The following IQCK variants were observed in gnomAD, a reference collection of about 807,000 sequenced individuals.
IQCK encodes the protein IQ domain-containing protein K.
In IQCK, 29 loss-of-function variants were observed where a neutral mutation model predicts 28.1. That is an observed-to-expected ratio of 1.03 (90% CI 0.77 to 1.41). The LOEUF is 1.41. Among genes scored for constraint, IQCK ranks in the 40% most tolerant of loss-of-function variants. IQCK has a pLI of 0.00. For synonymous variants in IQCK, 113 were observed against 115.1 expected (o/e 0.98, Z 0.12); for missense variants, 359 against 314.7 (o/e 1.14, Z -1.07).
intron 4 of IQCK, among the ~76,000 whole-genome samples, chr16:19,758,224 C>G (rs147266456): frequency 1.3e-5 from 2 of 152,268 alleles, no homozygotes; most frequent in East Asian, 3.9e-4. Flanking sequence ...TTTTCATTTG[C>G]TTTTCCTTCT....
intron 7 of IQCK, among the ~76,000 whole-genome samples, chr16:19,812,879 A>G (rs1415504711): frequency 6.6e-6 from 1 of 152,268 alleles, no homozygotes; most frequent in East Asian, 1.9e-4. Flanking sequence ...ACTTAAGTGC[A>G]TCCTCTAGAA....
intron 7 of IQCK, among the ~76,000 whole-genome samples, chr16:19,823,342 A>G (rs1303807601): frequency 6.6e-6 from 1 of 152,022 alleles, no homozygotes; most frequent in Non-Finnish European, 1.5e-5. Flanking sequence ...CACTCCCTTC[A>G]CCAGTTTCTC....
Position 19,735,454 on chromosome 16 carries a change from AGTT to A in IQCK, c.474+8_474+10del. On this transcript the variant is annotated splice_donor_5th_base_variant and intron_variant, in intron 4 of 7. Coordinates refer to ENST00000564186, the Ensembl canonical transcript of IQCK. The stretch of plus-strand genomic sequence containing the variant: ...GAAGAAAGAAAAATGTTTTGAGGTC[AGTT>A]GTTTGGCAGGATTTCTTTATTTTGA... The A allele has an allele frequency of 6.3e-7, 1 of 1,594,490 alleles. No homozygotes were observed.
chr16:19,816,928 GA>G (rs1280323122), intron 7 of IQCK, among the ~76,000 whole-genome samples: 1 of 152,284 alleles, frequency 6.6e-6, no homozygotes, highest in African/African-American at 2.4e-5. Flanking sequence ...TTACAGATGA[GA>G]AAATTGAGGC....
At chr16:19,786,701 G>A (rs1378277434) in intron 6 of IQCK, among the ~76,000 whole-genome samples, 5 of 141,432 alleles carry the variant, frequency 3.5e-5, no homozygotes, top group African/African-American at 1.2e-4. Flanking sequence ...TCATTGAAAG[G>A]AAGAAAGAAA....
At chr16:19,736,402 A>G (rs1349046861) in intron 4 of IQCK, among the ~76,000 whole-genome samples, 1 of 151,884 alleles carries the variant, frequency 6.6e-6, no homozygotes, top group East Asian at 1.9e-4. Context: ...AGCTGGGACT[A>G]CGGGTATGCA....
At chr16:19,856,447 A>G in intron 9 of IQCK, 40 bp from the exon 9 acceptor site, 1 of 1,562,500 alleles carries the variant, frequency 6.4e-7, no homozygotes, top group Non-Finnish European at 8.8e-7. Context: ...CTGTCTACGT[A>G]TGTAAATTGA....
At chr16:19,764,051 G>C (rs771553609) in exon 6 of IQCK, 1 of 1,614,042 alleles carries the variant, frequency 6.2e-7, no homozygotes, top group South Asian at 1.1e-5. Context: ...TCCAAAGAGG[G>C]CAGGGGAGCC....
chr16:19,839,227 C>G (rs920705703), intron 9 of IQCK, among the ~76,000 whole-genome samples: 3 of 151,234 alleles, frequency 2.0e-5, no homozygotes, highest in Middle Eastern at 3.2e-3. Flanking sequence ...ATGGCATGAT[C>G]TTGGCTCACT....
intron 6 of IQCK, among the ~76,000 whole-genome samples, chr16:19,782,911 CACAT>C (rs1402087829): frequency 6.6e-6 from 1 of 152,050 alleles, no homozygotes; most frequent in Non-Finnish European, 1.5e-5. Context: ...CACACATGTG[CACAT>C]ACATTTATAT....
chr16:19,758,023 T>C (rs2055076389), intron 4 of IQCK, among the ~76,000 whole-genome samples: 1 of 152,206 alleles, frequency 6.6e-6, no homozygotes, highest in Admixed American at 6.5e-5. Flanking sequence ...AAGAATATTT[T>C]TAAACCTTGT....
At position 19,718,803 on chromosome 16, in the gene IQCK, T is replaced by C. The variant is rs183615995; in HGVS notation, c.181+316T>C. ...CCTCGGTTAGTGAACCGAAAGGAAT[T>C]GCTGGGGCGGGGGCCGGGGTGGGGA... On this transcript the variant is annotated intron_variant, in intron 1 of 7. Transcript: ENST00000564186. Among the ~76,000 whole-genome samples the C allele has an allele frequency of 2.4e-3, 351 of 146,612 alleles. 1 individual carries two copies. The highest frequency in any genetic ancestry group is 8.2e-3 in the African/African-American group (330 of 40,424).
chr16:19,830,576 G>A (rs1265332252), downstream of IQCK, among the ~76,000 whole-genome samples: 2 of 152,210 alleles, frequency 1.3e-5, no homozygotes, highest in Non-Finnish European at 2.9e-5. Context: ...CGCTGAGACC[G>A]TGAAATGGCC....
Position 19,814,557 on chromosome 16 carries a change from A to C in IQCK, c.691-12469A>C, listed in dbSNP as rs536804695. On this transcript the variant is annotated intron_variant, in intron 7 of 7. Coordinates refer to ENST00000564186, the Ensembl canonical transcript of IQCK. ...AGACATAAATACAAACATATCACTAATCTCAATAAATGTAAATAGAATGAA... is the reference window on the plus strand; with the variant it reads ...AGACATAAATACAAACATATCACTACTCTCAATAAATGTAAATAGAATGAA... 3.3e-5 allele frequency among the ~76,000 whole-genome samples: 5 copies of C among 152,278 alleles called. No homozygotes were observed. In the East Asian group the frequency reaches 9.6e-4, roughly 29 times the overall value.
intron 7 of IQCK, among the ~76,000 whole-genome samples, chr16:19,814,836 G>A (rs899554326): frequency 2.0e-5 from 3 of 146,402 alleles, no homozygotes; most frequent in Non-Finnish European, 4.5e-5. Context: ...TGCCCAGGTC[G>A]GAGTGCCATG....
intron 6 of IQCK, chr16:19,764,367 C>G: frequency 3.2e-6 from 1 of 311,350 alleles, no homozygotes; most frequent in Non-Finnish European, 5.9e-6. Flanking sequence ...AGTAATTTAT[C>G]CCTCCATTCC....
Position 19,843,536 on chromosome 16 carries a change from G to T in IQCK, c.803-12951G>T, listed in dbSNP as rs149707036. On this transcript the variant is annotated intron_variant, in intron 9 of 9. Transcript: ENST00000320394. The stretch of plus-strand genomic sequence containing the variant: ...GCAAAGTTTATCCATGCTGTAGCAT[G>T]TGTCAGTACTTTACTCCTTTTTACA... Among the ~76,000 whole-genome samples, 62 of 152,326 alleles carry T rather than the reference G, an allele frequency of 4.1e-4. 1 individual carries two copies. In the South Asian group the frequency reaches 0.013, roughly 31 times the overall value.
intron 4 of IQCK, among the ~76,000 whole-genome samples, chr16:19,752,538 G>A (rs970110497): frequency 7.2e-5 from 11 of 152,104 alleles, no homozygotes; most frequent in African/African-American, 2.7e-4. Context: ...GTCCTAAGTA[G>A]AAAGGGATTG....
At chr16:19,744,467 G>A (rs1300680970) in intron 4 of IQCK, among the ~76,000 whole-genome samples, 7 of 152,090 alleles carry the variant, frequency 4.6e-5, no homozygotes, top group African/African-American at 9.7e-5. Context: ...AATGCTCAAT[G>A]TAAAATTCAG....
Sources: allele counts gnomAD v4.1 joint callset (sites outside exome capture counted in the v4.1 genomes callset), GRCh38; gene constraint gnomAD v4.1.1; transcripts MANE v1.5; gene names NCBI Gene and HGNC (gene_info 2026-07-23, HGNC 2026-07-21).